Variants in GRM8 observed in about 807,000 individuals in gnomAD.
GRM8 encodes the protein metabotropic glutamate receptor 8.
GRM8 carries 47 observed loss-of-function variants against 87.2 expected under a neutral mutation model. The ratio of observed to expected loss-of-function variants is 0.54; its 90% CI spans 0.43 to 0.69. The LOEUF (loss-of-function observed/expected upper bound fraction) is 0.69, where lower values mean the gene tolerates loss of function less well. Among genes scored for constraint, GRM8 ranks in the 30% least tolerant of loss-of-function variants. GRM8 has a pLI of 0.00. For synonymous variants in GRM8, 396 were observed against 404.5 expected (o/e 0.98, Z 0.25); for missense variants, 1,019 against 1,139.2 (o/e 0.89, Z 1.52).
chr7:126,614,348 A>G (rs1300246387), intron 7 of GRM8, among the ~76,000 whole-genome samples: 1 of 152,210 alleles, frequency 6.6e-6, no homozygotes, highest in East Asian at 1.9e-4. Context: ...ACAGACAGAA[A>G]GGACATCCAC....
intron 9 of GRM8, among the ~76,000 whole-genome samples, chr7:126,530,792 A>C (rs1814683056): frequency 6.6e-6 from 1 of 152,306 alleles, no homozygotes; most frequent in South Asian, 2.1e-4. Context: ...TGAAAACTTA[A>C]ACATTCTCAA....
intron 2 of GRM8, among the ~76,000 whole-genome samples, chr7:127,116,072 C>T (rs1042130108): frequency 4.6e-5 from 7 of 152,190 alleles, no homozygotes; most frequent in Admixed American, 6.5e-5. Context: ...GCTATAATTG[C>T]ACCACTGTAT....
intron 6 of GRM8, among the ~76,000 whole-genome samples, chr7:126,901,699 A>G (rs1178444118): frequency 6.6e-6 from 1 of 152,218 alleles, no homozygotes; most frequent in Admixed American, 6.5e-5. Flanking sequence ...GAAGGAATGA[A>G]TCATTTCTAA....
chr7:127,031,186 T>A (rs1441211615), intron 3 of GRM8, among the ~76,000 whole-genome samples: 1 of 152,172 alleles, frequency 6.6e-6, no homozygotes, highest in Non-Finnish European at 1.5e-5. Flanking sequence ...ACATCCTGTA[T>A]TGGTTCAAGT....
chr7:126,620,293 C>T (rs1405161638), intron 7 of GRM8, among the ~76,000 whole-genome samples: 1 of 152,174 alleles, frequency 6.6e-6, no homozygotes, highest in African/African-American at 2.4e-5. Flanking sequence ...TGTCTTAAAA[C>T]AAACTTTTCC....
At chr7:126,788,136 G>C (rs936863049) in intron 6 of GRM8, among the ~76,000 whole-genome samples, 6 of 151,890 alleles carry the variant, frequency 4.0e-5, no homozygotes. Context: ...TCTGGCCGGT[G>C]CGATGGCTCA....
intron 6 of GRM8, among the ~76,000 whole-genome samples, chr7:126,825,753 G>A (rs1794707933): frequency 6.6e-6 from 1 of 152,004 alleles, no homozygotes; most frequent in South Asian, 2.1e-4. Context: ...AAGTTTTAGG[G>A]TACAGGTGCA....
chr7:127,233,343 C>T (rs1332785019), intron 2 of GRM8, among the ~76,000 whole-genome samples: 1 of 152,070 alleles, frequency 6.6e-6, no homozygotes, highest in Admixed American at 6.5e-5. Context: ...TTTGAACAGA[C>T]ATCTCCTAAT....
At chr7:127,231,319 G>C (rs1451142329) in intron 2 of GRM8, among the ~76,000 whole-genome samples, 1 of 152,130 alleles carries the variant, frequency 6.6e-6, no homozygotes, top group Admixed American at 6.5e-5. Context: ...GCCTCACAAT[G>C]CTAGGATAGG....
At chr7:127,187,875 T>TGATACTA (rs1794821220) in intron 2 of GRM8, among the ~76,000 whole-genome samples, 1 of 152,226 alleles carries the variant, frequency 6.6e-6, no homozygotes, top group Non-Finnish European at 1.5e-5. Flanking sequence ...TCTGTAAAAA[T>TGATACTA]GATACTACAA....
At position 126,612,820 on chromosome 7, in the gene GRM8, C is replaced by T. The variant is rs547523755; in HGVS notation, c.1358-3322G>A. Among the ~76,000 whole-genome samples the T allele has an allele frequency of 1.1e-4, 17 of 152,306 alleles. No homozygotes were observed. The South Asian group carries it at 3.5e-3, about 32-fold the overall frequency. The stretch of plus-strand genomic sequence containing the variant: ...ATGATCCCAAGCAAATCCATGCTTC[C>T]CTCTTCATGACATTATGAACTTCAT... On this transcript the variant is annotated intron_variant, in intron 7 of 10. Coordinates refer to ENST00000339582, the MANE Select transcript of GRM8 (RefSeq NM_000845.3).
chr7:126,728,314 G>A (rs894297389), intron 7 of GRM8, among the ~76,000 whole-genome samples: 2 of 152,158 alleles, frequency 1.3e-5, no homozygotes, highest in African/African-American at 2.4e-5. Context: ...AGCGCTGCTT[G>A]GAATGCTATC....
chr7:126,454,286 T>C (rs959529561), intron 9 of GRM8, among the ~76,000 whole-genome samples: 2 of 151,708 alleles, frequency 1.3e-5, no homozygotes, highest in African/African-American at 4.8e-5. Flanking sequence ...GACGGAAGCC[T>C]TGCTAGAATT....
chr7:126,835,493 A>G (rs1004939138), intron 6 of GRM8, among the ~76,000 whole-genome samples: 13 of 152,322 alleles, frequency 8.5e-5, no homozygotes, highest in South Asian at 2.1e-4. Flanking sequence ...GTGCCTAGGA[A>G]CTGGTCATCA....
chr7:126,787,738 C>A (rs1820774432), intron 6 of GRM8, among the ~76,000 whole-genome samples: 1 of 152,024 alleles, frequency 6.6e-6, no homozygotes, highest in Admixed American at 6.6e-5. Flanking sequence ...CTTGCCCTGA[C>A]TTGCTGTGGT....
intron 3 of GRM8, among the ~76,000 whole-genome samples, chr7:126,937,609 G>A (rs752740673): frequency 6.6e-6 from 1 of 152,200 alleles, no homozygotes; most frequent in Non-Finnish European, 1.5e-5. Flanking sequence ...GAGTGAGTTT[G>A]GATTGGCCAA....
At chr7:126,775,352 T>C (rs941870502) in intron 6 of GRM8, among the ~76,000 whole-genome samples, 8 of 152,196 alleles carry the variant, frequency 5.3e-5, no homozygotes, top group East Asian at 1.9e-4. Context: ...ATGCTTTACA[T>C]TGTGCTTTTC....
intron 6 of GRM8, 147 bp from the exon 7 acceptor site, chr7:126,770,212 C>A: frequency 5.0e-6 from 3 of 604,330 alleles, no homozygotes; most frequent in Non-Finnish European, 8.8e-6. Context: ...CTTACTGAGT[C>A]AGGTTTTTAA....
chr7:126,942,323 C>A (rs1384104058), intron 3 of GRM8, among the ~76,000 whole-genome samples: 1 of 152,154 alleles, frequency 6.6e-6, no homozygotes, highest in Non-Finnish European at 1.5e-5. Flanking sequence ...TTCCATTCTG[C>A]ATGTCTTTTG....
Sources: gnomAD v4.1 joint callset for allele counts (sites outside exome capture counted in the v4.1 genomes callset) on GRCh38, gnomAD v4.1.1 for gene constraint, MANE v1.5 for transcripts, NCBI Gene and HGNC (gene_info 2026-07-23, HGNC 2026-07-21) for gene names.